The following CENPE variants were observed in gnomAD, a reference collection of about 807,000 sequenced individuals.
CENPE encodes the protein centromere-associated protein E.
CENPE carries 145 observed loss-of-function variants against 336.1 expected under a neutral mutation model. The observed-to-expected ratio is 0.43, with a 90% confidence interval of 0.38 to 0.50. The LOEUF (loss-of-function observed/expected upper bound fraction) is 0.50, where lower values mean the gene tolerates loss of function less well. Among genes scored for constraint, CENPE ranks in the 20% least tolerant of loss-of-function variants. The pLI is 0.00. For synonymous variants in CENPE, 1,013 were observed against 984.8 expected (o/e 1.03, Z -0.54); for missense variants, 2,719 against 3,023.3 (o/e 0.90, Z 2.36).
chr4:103,158,830 T>C lies in CENPE; in HGVS notation c.2658A>G (p.Leu886=), dbSNP rs1455572502. ...QEKTREVQER[L]NEMEQLKEQL... is the part of the protein sequence containing the mutation. ...GTTCCTTCAGCTGTTCCATCTCATT[T>C]AGTCTTTCTTGAACCTCACGTGTTT... is the stretch of plus-strand genomic sequence containing the variant. The change falls in exon 23 of 49, where the codon CTA becomes CTG. Residue 886 remains leucine (L), a synonymous_variant. Transcript: ENST00000265148. The C allele has an allele frequency of 1.9e-6, 3 of 1,612,352 alleles. No individual in the cohort carries two copies. Among genetic ancestry groups the C allele is most frequent in the Non-Finnish European group, 2.5e-6 (3 of 1,179,322 alleles).
rs779727126 is a variant in CENPE, at chr4:103,198,273, A to G, written c.47T>C (p.Leu16Pro). 58 of 1,550,724 alleles carry G rather than the reference A, an allele frequency of 3.7e-5. No individual in the cohort carries two copies. The East Asian group carries it at 1.2e-3, about 31-fold the overall frequency. Residue 16 changes from leucine (L) to proline (P), a missense_variant, in exon 1 of 49, where the codon CTG becomes CCG. Transcript: ENST00000265148. ...AVAVCVRVRP[L>P]NSREESLGET... ...GGTGTGGCCCCCCTACCTGCTGTTC[A>G]GCGGCCGCACTCGCACGCAGACGGC... is the stretch of plus-strand genomic sequence containing the variant.
intron 44 of CENPE, among the ~76,000 whole-genome samples, chr4:103,118,976 T>C (rs995918985): frequency 3.3e-5 from 5 of 152,172 alleles, no homozygotes; most frequent in African/African-American, 1.2e-4. Flanking sequence ...TTGCCTGGAA[T>C]ATTTCTCCCT....
At chr4:103,147,299 A>G in intron 29 of CENPE, 57 bp downstream of exon 29, 1 of 1,416,050 alleles carries the variant, frequency 7.1e-7, no homozygotes, top group South Asian at 1.4e-5. Flanking sequence ...TAACACAAAC[A>G]CAAGCCTTGA....
chr4:103,127,382 CTT>C (rs1751216439), intron 42 of CENPE, among the ~76,000 whole-genome samples: 1 of 151,952 alleles, frequency 6.6e-6, no homozygotes, highest in Non-Finnish European at 1.5e-5. Flanking sequence ...GAAATAAAGA[CTT>C]TCTGAGACAA....
Position 103,170,551 on chromosome 4 carries a change from C to T in CENPE, c.1647+4185G>A, listed in dbSNP as rs1755319050. ...GAAGGAAAAAAACCTATAATAAATA[C>T]ACTAAAAATAGAAAGGTATCAAAAC... On this transcript the variant is annotated intron_variant, in intron 16 of 48. Transcript: ENST00000265148. Among the ~76,000 whole-genome samples the T allele has an allele frequency of 2.0e-5, 3 of 151,970 alleles. No homozygotes were observed. In the South Asian group the frequency reaches 6.2e-4, roughly 32 times the overall value.
At position 103,106,238 on chromosome 4, in the gene CENPE, T is replaced by C; in HGVS notation, c.8090A>G (p.Glu2697Gly). The change falls in exon 49 of 49, where the codon GAG becomes GGG. Residue 2697 changes from glutamate to glycine, a missense_variant. Coordinates refer to ENST00000265148, the MANE Select transcript of CENPE (RefSeq NM_001813.3). Reference sequence around the variant, plus strand: ...AAGAGGAGTCTACTGAGTTTTGCACTCAGGCACATCCTTGCCTGAGGAGGC... The same window carrying C: ...AAGAGGAGTCTACTGAGTTTTGCACCCAGGCACATCCTTGCCTGAGGAGGC... ...WHASSGKDVPECKTQ is the reference protein window; with the variant it reads ...WHASSGKDVPGCKTQ The C allele has an allele frequency of 6.3e-7, 1 of 1,585,620 alleles. No individual in the cohort carries two copies. Among genetic ancestry groups the C allele is most frequent in the Non-Finnish European group, 8.6e-7 (1 of 1,163,754 alleles).
At chr4:103,165,880 A>T (rs76549358) in intron 16 of CENPE, among the ~76,000 whole-genome samples, 45 of 97,770 alleles carry the variant, frequency 4.6e-4, no homozygotes, top group South Asian at 1.4e-3. Context: ...TTTGTGTTTT[A>T]AAAAAAAAAA....
Position 103,110,925 on chromosome 4 carries a change from G to A in CENPE, c.7627C>T (p.Leu2543Phe). 1 of 1,611,954 alleles carries A rather than the reference G, an allele frequency of 6.2e-7. No individual in the cohort carries two copies. Among genetic ancestry groups the A allele is most frequent in the South Asian group, 1.1e-5 (1 of 90,726 alleles). ...GSGIVQNTKA[L>F]ILKSEHIRLE... ...CTTATATGTTCACTTTTCAAAATAA[G>A]AGCTTTTGTGTTTTGTACAATGCCG... The change falls in exon 47 of 49, where the codon CTT becomes TTT. Residue 2543 changes from leucine (L) to phenylalanine (F), a missense_variant. Transcript: ENST00000265148.
At chr4:103,190,515 C>G (rs1757212676) in intron 8 of CENPE, among the ~76,000 whole-genome samples, 1 of 152,134 alleles carries the variant, frequency 6.6e-6, no homozygotes, top group Admixed American at 6.5e-5. Flanking sequence ...TGATCTTTGA[C>G]AAACCTGATA....
In CENPE at chr4:103,120,280, A is replaced by C. The variant is rs1317138221; in HGVS notation, c.7197T>G (p.His2399Gln). 1.2e-6 allele frequency: 2 copies of C among 1,611,976 alleles called. No individual in the cohort carries two copies. The highest frequency in any genetic ancestry group is 1.7e-6 in the Non-Finnish European group (2 of 1,179,430). Reference protein sequence around the residue: ...SLHEAKESAMHKESKIIKMQK... With the variant: ...SLHEAKESAMQKESKIIKMQK... ...GCATCTTTATAATCTTGCTTTCCTT[A>C]TGCATAGCACTTTCTTTAGCTTCAT... The change falls in exon 44 of 49, where the codon CAT becomes CAG. Residue 2399 changes from histidine to glutamine, a missense_variant. Physicochemically the swap from His to Gln is conservative, Grantham distance 24. Coordinates refer to ENST00000265148, the MANE Select transcript of CENPE (RefSeq NM_001813.3).
Position 103,108,872 on chromosome 4 carries a change from G to A in CENPE, c.7942C>T (p.Arg2648Ter). ...TGAGGTGATGGTAAAGACTTTGATC[G>A]GCTATCAAAAAAACAAGATTTTGGT... ...ESPKSCFFDS[R>*]SKSLPSPHPV... The change falls in exon 48 of 49, where the codon CGA becomes TGA. Residue 2648 changes from arginine (R) to a stop codon, truncating the protein, a stop_gained. Coordinates refer to ENST00000265148, the MANE Select transcript of CENPE (RefSeq NM_001813.3). LOFTEE classifies it high-confidence loss of function. 6.2e-7 allele frequency: 1 copy of A among 1,613,762 alleles called. No individual in the cohort carries two copies. The highest frequency in any genetic ancestry group is 8.5e-7 in the Non-Finnish European group (1 of 1,179,800).
chr4:103,194,327 G>C, intron 7 of CENPE, 33 bp from the exon 8 acceptor site: 1 of 1,609,800 alleles, frequency 6.2e-7, no homozygotes, highest in Non-Finnish European at 8.5e-7. Flanking sequence ...AGAAAAATTA[G>C]TGCATTCTTA....
In CENPE at chr4:103,116,658, T is replaced by G. The variant is rs748913490; in HGVS notation, c.7361A>C (p.Lys2454Thr). 1.9e-6 allele frequency: 3 copies of G among 1,592,178 alleles called. No individual in the cohort carries two copies. The highest frequency in any genetic ancestry group is 2.6e-6 in the Non-Finnish European group (3 of 1,172,072). ...CATTTTGAGATCTTCAATTTCTTCT[T>G]TATATGGCTTAGCTCCTAAAGCAAC... ...DKVALGAKPY[K>T]EEIEDLKMKL... The change falls in exon 45 of 49, where the codon AAA (lysine) becomes ACA (threonine). Residue 2454 changes from lysine to threonine, a missense_variant. Physicochemically the swap from Lys to Thr is moderately conservative, Grantham distance 78. Transcript: ENST00000265148.
chr4:103,145,637 C>T lies in CENPE; in HGVS notation c.4458G>A (p.Leu1486=), dbSNP rs1752980069. 6.2e-7 allele frequency: 1 copy of T among 1,607,308 alleles called. No homozygotes were observed. Among genetic ancestry groups the T allele is most frequent in the African/African-American group, 1.3e-5 (1 of 74,728 alleles). The part of the protein sequence containing the change: ...EEELKVAHCC[L]KEQEETINEL... The stretch of plus-strand genomic sequence containing the variant: ...CATTAATAGTTTCCTCTTGTTCTTT[C>T]AGGCAACAATGAGCAACTTTAAGTT... Residue 1486 remains leucine, a synonymous_variant, in exon 31 of 49, where the codon CTG becomes CTA. Transcript: ENST00000265148.
At chr4:103,195,579 A>G (rs1415554288) in intron 4 of CENPE, among the ~76,000 whole-genome samples, 6 of 152,090 alleles carry the variant, frequency 3.9e-5, no homozygotes, top group Non-Finnish European at 8.8e-5. Flanking sequence ...TTTTTTACCT[A>G]CATCCACTTT....
chr4:103,108,330 G>A (rs1578521999), intron 48 of CENPE, among the ~76,000 whole-genome samples: 1 of 150,818 alleles, frequency 6.6e-6, no homozygotes, highest in African/African-American at 2.4e-5. Flanking sequence ...GTCTGGTTTT[G>A]CTTATCAATG....
At chr4:103,196,940 T>C in intron 1 of CENPE, 90 bp from the exon 2 acceptor site, 2 of 699,390 alleles carry the variant, frequency 2.9e-6, no homozygotes, top group South Asian at 1.7e-5. Context: ...CTAAAGAATA[T>C]TTTGAAAGAT....
intron 41 of CENPE, 64 bp from the exon 42 acceptor site, chr4:103,132,960 T>TATATATATA (rs1751723895): frequency 6.9e-6 from 1 of 144,300 alleles, no homozygotes; most frequent in African/African-American, 3.6e-5. Context: ...AATATTTTAT[T>TATATATATA]TATATATATA....
intron 43 of CENPE, among the ~76,000 whole-genome samples, chr4:103,121,976 T>G (rs1264161518): frequency 1.3e-5 from 2 of 152,204 alleles, no homozygotes; most frequent in African/African-American, 4.8e-5. Context: ...GCTCTACTTG[T>G]CCATTTTTGC....
Sources: allele counts gnomAD v4.1 joint callset (sites outside exome capture counted in the v4.1 genomes callset), GRCh38; gene constraint gnomAD v4.1.1; transcripts MANE v1.5; gene names NCBI Gene and HGNC (gene_info 2026-07-23, HGNC 2026-07-21).